The following TRDN variants were observed in gnomAD, a reference collection of about 807,000 sequenced individuals.
TRDN encodes triadin.
In TRDN, 161 loss-of-function variants were observed where a neutral mutation model predicts 149.7. That is an observed-to-expected ratio of 1.08 (90% CI 0.95 to 1.23). TRDN has a LOEUF of 1.23. TRDN is among the 50% of genes most tolerant of loss of function. The pLI, the probability that TRDN is intolerant of heterozygous loss-of-function variation, is 0.00. For missense variants in TRDN, 896 were observed against 823.5 expected (o/e 1.09, Z -1.08); for synonymous variants, 294 against 250.5 (o/e 1.17, Z -1.64).
intron 2 of TRDN, among the ~76,000 whole-genome samples, chr6:123,567,469 G>T (rs556622028): frequency 6.6e-6 from 1 of 152,146 alleles, no homozygotes; most frequent in South Asian, 2.1e-4. Flanking sequence ...AAGAAAAGAA[G>T]TTCATTTGGC....
At chr6:123,388,965 A>C (rs1194845362) in intron 13 of TRDN, among the ~76,000 whole-genome samples, 1 of 152,182 alleles carries the variant, frequency 6.6e-6, no homozygotes, top group African/African-American at 2.4e-5. Flanking sequence ...CTGAGGAATT[A>C]TATACTAGTC....
intron 38 of TRDN, among the ~76,000 whole-genome samples, chr6:123,236,714 T>C (rs1439741239): frequency 6.6e-6 from 1 of 152,194 alleles, no homozygotes; most frequent in Non-Finnish European, 1.5e-5. Context: ...CTCCACTAAA[T>C]TGCTTCGGAA....
chr6:123,426,807 A>T (rs1045311678), intron 12 of TRDN, among the ~76,000 whole-genome samples: 1 of 152,140 alleles, frequency 6.6e-6, no homozygotes, highest in Non-Finnish European at 1.5e-5. Context: ...TTAATTGTTT[A>T]TACTGACATT....
At chr6:123,300,776 G>T (rs1778368524) in intron 24 of TRDN, among the ~76,000 whole-genome samples, 1 of 151,948 alleles carries the variant, frequency 6.6e-6, no homozygotes, top group African/African-American at 2.4e-5. Context: ...ATTCTGGAAA[G>T]TTGCTGTCTC....
chr6:123,402,972 T>G (rs964555746), intron 12 of TRDN, among the ~76,000 whole-genome samples: 5 of 152,188 alleles, frequency 3.3e-5, no homozygotes, highest in African/African-American at 1.2e-4. Context: ...GGTACAAATT[T>G]AAATGAAAAT....
chr6:123,527,819 T>G (rs189757288), intron 5 of TRDN, among the ~76,000 whole-genome samples: 13 of 151,870 alleles, frequency 8.6e-5, no homozygotes, highest in African/African-American at 2.9e-4. Context: ...TATGAGGTAC[T>G]GTATGTGACC....
chr6:123,242,754 T>TGTAA (rs931177830), intron 38 of TRDN, among the ~76,000 whole-genome samples: 2 of 151,660 alleles, frequency 1.3e-5, no homozygotes, highest in African/African-American at 4.8e-5. Flanking sequence ...ATGGGGAAAG[T>TGTAA]GTAAGTAAGT....
rs115081193 is a variant in TRDN, at chr6:123,377,069, C to A, written c.1246+647G>T. ...CTTCAAGACAATAATTTGGTATCCA[C>A]AGCAACTGCACTTTTAGTTTTTGTT... On this transcript the variant is annotated intron_variant, in intron 18 of 40. Transcript: ENST00000334268. Among the ~76,000 whole-genome samples, 159 of 152,292 alleles carry A rather than the reference C, an allele frequency of 1.0e-3. 1 individual carries two copies. Among genetic ancestry groups the A allele is most frequent in the African/African-American group, 3.8e-3 (158 of 41,576 alleles).
chr6:123,624,687 G>A (rs2114721981), intron 1 of TRDN, among the ~76,000 whole-genome samples: 1 of 152,200 alleles, frequency 6.6e-6, no homozygotes, highest in African/African-American at 2.4e-5. Context: ...TTCTTTGTAA[G>A]CCAGAAGAAA....
At chr6:123,551,730 T>A (rs1323344487) in intron 2 of TRDN, among the ~76,000 whole-genome samples, 4 of 151,906 alleles carry the variant, frequency 2.6e-5, no homozygotes, top group Non-Finnish European at 4.4e-5. Flanking sequence ...ATAATTTAAA[T>A]AAGATGCCTC....
rs1774973771 is a variant in TRDN at position 123,216,422 on chromosome 6, T to C, written c.*2179A>G. ...TAATATTTTTAAAGTGCTATGATCA[T>C]TGTAACTTTAATCAGATAAAACGTA... On this transcript the variant is annotated 3_prime_UTR_variant, in exon 41 of 41. Transcript: ENST00000334268. 1 of 152,002 alleles carries C rather than the reference T, an allele frequency of 6.6e-6. No individual in the cohort carries two copies. Among genetic ancestry groups the C allele is most frequent in the Non-Finnish European group, 1.5e-5 (1 of 67,954 alleles). The allele number at this position is 152,002 out of a possible 1,614,324, so 9.4% of individuals were successfully genotyped here.
chr6:123,431,005 T>C (rs568764311), intron 12 of TRDN, among the ~76,000 whole-genome samples: 1 of 152,326 alleles, frequency 6.6e-6, no homozygotes, highest in African/African-American at 2.4e-5. Context: ...CAGAAGACTT[T>C]CCACTGTTGG....
chr6:123,477,952 T>C (rs1178914537), intron 9 of TRDN, among the ~76,000 whole-genome samples: 1 of 151,824 alleles, frequency 6.6e-6, no homozygotes, highest in Non-Finnish European at 1.5e-5. Context: ...GAGATATACC[T>C]AACGCGAGAT....
intron 4 of TRDN, among the ~76,000 whole-genome samples, chr6:123,535,338 CA>C (rs903092335): frequency 2.0e-5 from 3 of 152,078 alleles, no homozygotes; most frequent in African/African-American, 7.2e-5. Flanking sequence ...AAGAGAAGGG[CA>C]AATTAATTTC....
chr6:123,343,936 A>T (rs1780158163), intron 21 of TRDN, among the ~76,000 whole-genome samples: 1 of 151,866 alleles, frequency 6.6e-6, no homozygotes, highest in Non-Finnish European at 1.5e-5. Context: ...TCAGCATGGA[A>T]CCCTCATTAA....
At chr6:123,240,366 A>G (rs1291192207) in intron 38 of TRDN, among the ~76,000 whole-genome samples, 1 of 151,882 alleles carries the variant, frequency 6.6e-6, no homozygotes, top group Non-Finnish European at 1.5e-5. Context: ...TCTCTCTCCC[A>G]AAACTTCATT....
chr6:123,420,209 T>C (rs1582996931), intron 12 of TRDN, among the ~76,000 whole-genome samples: 2 of 152,204 alleles, frequency 1.3e-5, no homozygotes. Flanking sequence ...TATTTTTGGA[T>C]AGAAATCATT....
At position 123,519,473 on chromosome 6, in the gene TRDN, GTTT is replaced by G. The variant is rs762378636; in HGVS notation, c.485-3270_485-3268del. Among the ~76,000 whole-genome samples the G allele has an allele frequency of 4.5e-4, 33 of 73,988 alleles. No homozygotes were observed. In the East Asian group the frequency reaches 0.015, roughly 33 times the overall value. 48.5% of individuals were successfully genotyped at this position (73,988 alleles called of 152,430 possible). Reference sequence around the variant, plus strand: ...AGCTCATAATCTGCCTGACCCTGTGGTTTTTTTTTTTTTTTTTTAAACAGGGAA... The same window carrying G: ...AGCTCATAATCTGCCTGACCCTGTGGTTTTTTTTTTTTTTTAAACAGGGAA... On this transcript the variant is annotated intron_variant, in intron 5 of 40. Transcript: ENST00000334268.
At chr6:123,543,014 T>C (rs1780929512) in intron 4 of TRDN, among the ~76,000 whole-genome samples, 1 of 152,156 alleles carries the variant, frequency 6.6e-6, no homozygotes, top group Non-Finnish European at 1.5e-5. Flanking sequence ...CATTTTCATA[T>C]GCTTTCAGTT....
Sources: gnomAD v4.1 joint callset for allele counts (sites outside exome capture counted in the v4.1 genomes callset) on GRCh38, gnomAD v4.1.1 for gene constraint, MANE v1.5 for transcripts, NCBI Gene and HGNC (gene_info 2026-07-23, HGNC 2026-07-21) for gene names.